Variants in GTPBP6 observed in about 807,000 individuals in gnomAD.
GTPBP6 encodes GTP binding protein 6.
A neutral mutation model predicts 28.9 loss-of-function variants in GTPBP6; 33 were observed. The ratio of observed to expected loss-of-function variants is 1.14; its 90% CI spans 0.87 to 1.53. The LOEUF is 1.53. GTPBP6 is among the 40% of genes most tolerant of loss of function. The pLI is 0.00. For synonymous variants in GTPBP6, 231 were observed against 192.7 expected, an observed-to-expected ratio of 1.20 and a Z score of -1.65; for missense variants, 507 against 408.3, an observed-to-expected ratio of 1.24 and a Z score of -2.08.
rs1192907531 is a variant in GTPBP6 at position 315,689 on chromosome X, C to G, written c.488-390G>C. 8.5e-3 allele frequency among the ~76,000 whole-genome samples: 85 copies of G among 9,972 alleles called. 1 individual carries two copies. Among genetic ancestry groups the G allele is most frequent in the African/African-American group, 0.027 (81 of 2,990 alleles). 6.5% of individuals were successfully genotyped at this position (9,972 alleles called of 152,430 possible). On this transcript the variant is annotated intron_variant, in intron 2 of 9. Coordinates refer to ENST00000326153, the Ensembl canonical transcript of GTPBP6. ...CCCGGCAGGGACACAAACACATACA[C>G]ACACACACACACACACAGTAAATAC...
At chrX:316,255 A>T (rs1363131603) in intron 2 of GTPBP6, among the ~76,000 whole-genome samples, 1 of 65,864 alleles carries the variant, frequency 1.5e-5, no homozygotes, top group African/African-American at 5.2e-5. Flanking sequence ...ACACACGCAG[A>T]CACACACACA....
intron 5 of GTPBP6, 51 bp from the exon 6 acceptor site, chrX:312,975 A>T (rs1330220837): frequency 6.4e-7 from 1 of 1,553,468 alleles, no homozygotes; most frequent in Non-Finnish European, 8.8e-7. Context: ...GGAAAGGCAC[A>T]AGTGCGGGCG....
intron 7 of GTPBP6, 115 bp downstream of exon 7, chrX:311,304 C>T (rs1242135723): frequency 3.2e-6 from 2 of 634,596 alleles, no homozygotes; most frequent in Non-Finnish European, 5.2e-6. Flanking sequence ...GAGGGCCCGG[C>T]CCCTGGGCTG....
At chrX:318,399 C>T (rs1385817203) in intron 1 of GTPBP6, 40 bp downstream of exon 1, 4 of 394,840 alleles carry the variant, frequency 1.0e-5, no homozygotes, top group Non-Finnish European at 1.8e-5. Flanking sequence ...CCCCAGGTCT[C>T]CAGCTCCTGT....
intron 8 of GTPBP6, 94 bp downstream of exon 8, chrX:307,638 G>A (rs369564289): frequency 3.1e-5 from 44 of 1,417,494 alleles, no homozygotes; most frequent in African/African-American, 4.3e-5. Context: ...GACTGCCACC[G>A]CTGCGGTTCA....
chrX:313,044 C>A (rs1306824801), intron 5 of GTPBP6, 120 bp from the exon 6 acceptor site: 1 of 796,892 alleles, frequency 1.3e-6, no homozygotes, highest in Non-Finnish European at 2.0e-6. Flanking sequence ...TCTGGGGGCC[C>A]GGCTGCTTTC....
exon 5 of GTPBP6, chrX:314,157 C>T: frequency 6.2e-7 from 1 of 1,611,990 alleles, no homozygotes; most frequent in Admixed American, 1.7e-5. Context: ...TACCTGACCC[C>T]ATGATGTAGC....
chrX:310,856 C>G (rs966295354), intron 7 of GTPBP6, among the ~76,000 whole-genome samples: 16 of 152,006 alleles, frequency 1.1e-4, no homozygotes, highest in African/African-American at 3.9e-4. Context: ...ACAGGTGTTT[C>G]CAGGGTCTCG....
At chrX:306,789 C>G (rs2070176762) in intron 9 of GTPBP6, among the ~76,000 whole-genome samples, 1 of 150,496 alleles carries the variant, frequency 6.6e-6, no homozygotes, top group Non-Finnish European at 1.5e-5. Flanking sequence ...TACATTTTCA[C>G]TGTCAGCATA....
chrX:317,488 C>T (rs1437725709), intron 1 of GTPBP6, among the ~76,000 whole-genome samples: 1 of 143,514 alleles, frequency 7.0e-6, no homozygotes, highest in African/African-American at 2.6e-5. Context: ...ACAGGAGCTT[C>T]CAAGGGAAAA....
chrX:315,304 CAGAA>C lies in GTPBP6; in HGVS notation c.488-9_488-6del. 2.5e-6 allele frequency: 1 copy of C among 398,486 alleles called. No homozygotes were observed. The highest frequency in any genetic ancestry group is 3.6e-5 in the East Asian group (1 of 28,054). 24.7% of individuals were successfully genotyped at this position (398,486 alleles called of 1,614,324 possible). ...CTGGAGACCCTCGGATCTTTTCTAA[CAGAA>C]AGAGGGGGTCCCGTCAGAGGCTGGC... is the stretch of plus-strand genomic sequence containing the variant. On this transcript the variant is annotated splice_region_variant and splice_polypyrimidine_tract_variant and intron_variant, in intron 2 of 9. Transcript: ENST00000326153.
At chrX:312,098 G>A (rs1273062329) in intron 6 of GTPBP6, 5 of 457,872 alleles carry the variant, frequency 1.1e-5, no homozygotes, top group Non-Finnish European at 1.7e-5. Context: ...TAGACAGATG[G>A]GTGGATTGTA....
intron 4 of GTPBP6, among the ~76,000 whole-genome samples, chrX:314,603 G>C (rs2070392646): frequency 6.6e-6 from 1 of 152,014 alleles, no homozygotes. Context: ...CTCCTGAGTA[G>C]CTGGGATTTC....
intron 4 of GTPBP6, among the ~76,000 whole-genome samples, 192 bp downstream of exon 4, chrX:314,698 G>A (rs1327555455): frequency 2.0e-5 from 3 of 152,076 alleles, no homozygotes; most frequent in East Asian, 1.9e-4. Flanking sequence ...GGATGGTCTC[G>A]ATCTCGTGAC....
At chrX:315,146 C>T (rs1256025417) in intron 3 of GTPBP6, 83 bp downstream of exon 3, 5 of 394,714 alleles carry the variant, frequency 1.3e-5, no homozygotes, top group African/African-American at 4.1e-5. Context: ...CCATCTGTCC[C>T]CCGCCTGGCC....
intron 3 of GTPBP6, 78 bp from the exon 4 acceptor site, chrX:315,098 T>C (rs1248877669): frequency 1.8e-5 from 7 of 398,544 alleles, no homozygotes; most frequent in South Asian, 1.3e-4. Flanking sequence ...AAGGAGGACG[T>C]CTCTAATGCC....
chrX:314,268 C>T lies in GTPBP6; in HGVS notation c.690-51G>A, dbSNP rs373861192. 300 of 1,466,990 alleles carry T rather than the reference C, an allele frequency of 2.0e-4. 1 individual carries two copies. Among genetic ancestry groups the T allele is most frequent in the African/African-American group, 1.5e-3 (105 of 71,962 alleles). The allele number at this position is 1,466,990 out of a possible 1,614,324, so 90.9% of individuals were successfully genotyped here. On this transcript the variant is annotated intron_variant, in intron 4 of 9. Transcript: ENST00000326153. ...GTCTCTGCGGACGCTGTCTCCCTCC[C>T]GGCAGAGGTCGAGGTGAAGGTGAAG... is the stretch of plus-strand genomic sequence containing the variant.
chrX:307,650 A>G (rs1047162250), intron 8 of GTPBP6, 82 bp downstream of exon 8: 2 of 1,426,136 alleles, frequency 1.4e-6, no homozygotes, highest in African/African-American at 1.4e-5. Flanking sequence ...TGCGGTTCAC[A>G]CGAGGAGACG....
At chrX:308,144 C>T (rs764950471) in intron 7 of GTPBP6, among the ~76,000 whole-genome samples, 10 of 152,136 alleles carry the variant, frequency 6.6e-5, no homozygotes, top group Admixed American at 6.5e-4. Flanking sequence ...AAGGGGGTGC[C>T]ATATATGAGC....
Sources: allele counts gnomAD v4.1 joint callset (sites outside exome capture counted in the v4.1 genomes callset), GRCh38; gene constraint gnomAD v4.1.1; transcripts MANE v1.5; gene names NCBI Gene and HGNC (gene_info 2026-07-23, HGNC 2026-07-21).